KRCC1: variants seen among roughly 807,000 people sequenced by gnomAD.
KRCC1 encodes lysine rich coiled-coil 1, also known as lysine-rich coiled-coil protein 1.
Under a neutral mutation model 7.4 loss-of-function variants are expected in KRCC1, and 3 were observed. The ratio of observed to expected loss-of-function variants is 0.40; its 90% CI spans 0.18 to 1.04. The LOEUF (loss-of-function observed/expected upper bound fraction) is 1.04. Among genes scored for constraint, KRCC1 ranks in the 50% least tolerant of loss-of-function variants. KRCC1 has a pLI of 0.33. For synonymous variants in KRCC1, 102 were observed against 101.6 expected (o/e 1.00, Z -0.02); for missense variants, 277 against 300.9 (o/e 0.92, Z 0.59).
At chr2:88,036,254 A>G (rs556117693) in intron 2 of KRCC1, among the ~76,000 whole-genome samples, 45 of 152,344 alleles carry the variant, frequency 3.0e-4, no homozygotes, top group Non-Finnish European at 5.1e-4. Flanking sequence ...GCAGAATGGG[A>G]AAAGCCATTG....
At chr2:88,041,406 A>T (rs1673207766) in intron 1 of KRCC1, among the ~76,000 whole-genome samples, 1 of 152,244 alleles carries the variant, frequency 6.6e-6, no homozygotes, top group Admixed American at 6.5e-5. Flanking sequence ...AAAAGCAGTG[A>T]ATTTGATTTT....
chr2:88,046,132 C>T (rs1673327737), intron 1 of KRCC1, among the ~76,000 whole-genome samples: 1 of 152,158 alleles, frequency 6.6e-6, no homozygotes, highest in Non-Finnish European at 1.5e-5. Context: ...AGATCATCCA[C>T]CCAACAAAGG....
chr2:88,039,452 A>G (rs1673159679), intron 1 of KRCC1, among the ~76,000 whole-genome samples: 1 of 152,108 alleles, frequency 6.6e-6, no homozygotes, highest in Admixed American at 6.6e-5. Flanking sequence ...TTTGGGAGGC[A>G]GAGGCGGGCG....
intron 1 of KRCC1, among the ~76,000 whole-genome samples, chr2:88,040,732 A>G (rs1055148613): frequency 2.0e-5 from 3 of 152,232 alleles, no homozygotes; most frequent in Non-Finnish European, 4.4e-5. Flanking sequence ...AGGAATTCAT[A>G]ATTTTGTAAA....
At chr2:88,038,634 A>C (rs1309291716) in intron 1 of KRCC1, among the ~76,000 whole-genome samples, 1 of 152,238 alleles carries the variant, frequency 6.6e-6, no homozygotes, top group African/African-American at 2.4e-5. Flanking sequence ...TTTATAAAGG[A>C]AAAAGGTTTA....
At chr2:88,050,267 CA>C (rs1673443075) in intron 1 of KRCC1, among the ~76,000 whole-genome samples, 1 of 152,192 alleles carries the variant, frequency 6.6e-6, no homozygotes, top group Non-Finnish European at 1.5e-5. Flanking sequence ...GTTAATTACT[CA>C]ATAAGTAGCC....
intron 3 of KRCC1, among the ~76,000 whole-genome samples, chr2:88,031,903 GAGGCTGAAGT>G (rs1264596476): frequency 6.6e-6 from 1 of 151,960 alleles, no homozygotes; most frequent in Non-Finnish European, 1.5e-5. Context: ...AGCACTTTGG[GAGGCTGAAGT>G]AGGCAGATCA....
chr2:88,038,413 T>C lies in KRCC1; in HGVS notation c.-290-1362A>G, dbSNP rs556055283. ...CCAGAATCTATGAGACATCTCTTTC[T>C]GAAGAATGCCACATAAGCTATACAA... On this transcript the variant is annotated intron_variant, in intron 1 of 3. Transcript: ENST00000347055. 2.0e-4 allele frequency among the ~76,000 whole-genome samples: 31 copies of C among 152,326 alleles called. No homozygotes were observed. In the South Asian group the frequency reaches 2.5e-3, roughly 12 times the overall value.
At position 88,033,835 on chromosome 2, in the gene KRCC1, T is replaced by C. The variant is rs77311336; in HGVS notation, c.-23+299A>G. On this transcript the variant is annotated intron_variant, in intron 3 of 3. Coordinates refer to ENST00000347055, the MANE Select transcript of KRCC1 (RefSeq NM_016618.3). ...ATTCCACTTAGCAATTCCACCCATA[T>C]ATAGCCAAAAGAATGAAAACCTATG... Among the ~76,000 whole-genome samples the C allele has an allele frequency of 0.022, 3,293 of 152,326 alleles. 213 individuals carry two copies. The highest frequency in any genetic ancestry group is 0.13 in the East Asian group (670 of 5,174).
At chr2:88,033,279 T>C (rs890670696) in intron 3 of KRCC1, among the ~76,000 whole-genome samples, 1 of 152,190 alleles carries the variant, frequency 6.6e-6, no homozygotes, top group African/African-American at 2.4e-5. Context: ...ATCCCAGCAC[T>C]TTGGGAGGCT....
chr2:88,052,316 T>C (rs1444003482), intron 1 of KRCC1, among the ~76,000 whole-genome samples: 3 of 152,262 alleles, frequency 2.0e-5, no homozygotes, highest in Non-Finnish European at 4.4e-5. Context: ...AGAGTTCTAA[T>C]TTGTCTTATG....
At chr2:88,034,090 G>C (rs1268095588) in intron 3 of KRCC1, 44 bp downstream of exon 3, 1 of 152,616 alleles carries the variant, frequency 6.6e-6, no homozygotes, top group African/African-American at 2.4e-5. Context: ...AAGGACCACA[G>C]ATGGCACAGA....
At chr2:88,033,084 T>C (rs1433130359) in intron 3 of KRCC1, among the ~76,000 whole-genome samples, 2 of 152,206 alleles carry the variant, frequency 1.3e-5, no homozygotes, top group Non-Finnish European at 2.9e-5. Context: ...AAGGGGCATT[T>C]TTTGGGCGGT....
chr2:88,040,481 T>C (rs1246043301), intron 1 of KRCC1, among the ~76,000 whole-genome samples: 1 of 152,232 alleles, frequency 6.6e-6, no homozygotes, highest in South Asian at 2.1e-4. Context: ...AAAAAAGAGA[T>C]GAACCTTATC....
At position 88,027,989 on chromosome 2, in the gene KRCC1, T is replaced by C; in HGVS notation, c.575A>G (p.His192Arg). 1.2e-6 allele frequency: 2 copies of C among 1,614,038 alleles called. No individual in the cohort carries two copies. Among genetic ancestry groups the C allele is most frequent in the African/African-American group, 1.3e-5 (1 of 75,000 alleles). The change falls in exon 4 of 4, where the codon CAC becomes CGC. Residue 192 changes from histidine (H) to arginine (R), a missense_variant. Physicochemically the swap from His to Arg is conservative, Grantham distance 29. Coordinates refer to ENST00000347055, the MANE Select transcript of KRCC1 (RefSeq NM_016618.3). ...TGTTTTCTTTCTTTGGATGCTCTTG[T>C]GTTTGTCTAAGTCAATTTCCTCGCA... is the stretch of plus-strand genomic sequence containing the variant. ...KSCEEIDLDKHKSIQRKKTEV... is the reference protein window; with the variant it reads ...KSCEEIDLDKRKSIQRKKTEV...
At position 88,028,262 on chromosome 2, in the gene KRCC1, A is replaced by G. The variant is rs772400249; in HGVS notation, c.302T>C (p.Leu101Pro). 3.7e-6 allele frequency: 6 copies of G among 1,614,200 alleles called. No homozygotes were observed. The East Asian group carries it at 1.3e-4, about 36-fold the overall frequency. Reference protein sequence around the residue: ...AHDSRLRLDSLSYCQFTRDCF... With the variant: ...AHDSRLRLDSPSYCQFTRDCF... ...GTCCCTCGTGAACTGACAGTAGCTC[A>G]GAGAGTCTAGTCTCAATCTGCTGTC... Residue 101 changes from leucine (L) to proline (P), a missense_variant, in exon 4 of 4, where the codon CTG (leucine) becomes CCG (proline). Coordinates refer to ENST00000347055, the MANE Select transcript of KRCC1 (RefSeq NM_016618.3).
chr2:88,028,699 G>A, intron 3 of KRCC1, 114 bp from the exon 4 acceptor site: 1 of 649,480 alleles, frequency 1.5e-6, no homozygotes, highest in Non-Finnish European at 2.4e-6. Flanking sequence ...GCCCAGACTA[G>A]AGTGCAGTGG....
intron 2 of KRCC1, among the ~76,000 whole-genome samples, chr2:88,034,936 T>C (rs1027330943): frequency 1.3e-5 from 2 of 152,200 alleles, no homozygotes; most frequent in African/African-American, 4.8e-5. Flanking sequence ...CCCTAACTTT[T>C]TGAGCAATTT....
intron 1 of KRCC1, among the ~76,000 whole-genome samples, chr2:88,038,969 T>C (rs1361855969): frequency 6.6e-6 from 1 of 152,196 alleles, no homozygotes; most frequent in Non-Finnish European, 1.5e-5. Flanking sequence ...CCATCCTTCA[T>C]GTATTAGACA....
Sources: allele counts gnomAD v4.1 joint callset (sites outside exome capture counted in the v4.1 genomes callset), GRCh38; gene constraint gnomAD v4.1.1; transcripts MANE v1.5; gene names NCBI Gene and HGNC (gene_info 2026-07-23, HGNC 2026-07-21).